CTNNA3: variants seen among roughly 807,000 people sequenced by gnomAD.
CTNNA3 encodes the protein catenin alpha-3.
CTNNA3 carries 76 observed loss-of-function variants against 95.7 expected under a neutral mutation model. The observed-to-expected ratio is 0.79, with a 90% confidence interval of 0.66 to 0.96. The LOEUF is 0.96. Among genes scored for constraint, CTNNA3 ranks in the 40% least tolerant of loss-of-function variants. The pLI is 0.00. For missense variants in CTNNA3, 1,191 were observed against 1,089.8 expected (o/e 1.09, Z -1.31); for synonymous variants, 431 against 374.4 (o/e 1.15, Z -1.74).
chr10:65,926,626 G>A lies in CTNNA3; in HGVS notation c.2401-6009C>T, dbSNP rs1268687425. ...CAAGTAGCTGGGATTACAGGCATGTGCCACCACACCTGGCTAATTTTGTAT... is the reference window on the plus strand; with the variant it reads ...CAAGTAGCTGGGATTACAGGCATGTACCACCACACCTGGCTAATTTTGTAT... On this transcript the variant is annotated intron_variant, in intron 17 of 17. Transcript: ENST00000433211. Among the ~76,000 whole-genome samples, 9 of 152,022 alleles carry A rather than the reference G, an allele frequency of 5.9e-5. No individual in the cohort carries two copies. In the East Asian group the frequency reaches 1.8e-3, roughly 30 times the overall value.
chr10:67,169,427 A>C (rs1427821970), intron 7 of CTNNA3, among the ~76,000 whole-genome samples: 2 of 151,760 alleles, frequency 1.3e-5, no homozygotes, highest in African/African-American at 4.8e-5. Context: ...GGTACAAAAA[A>C]AGACACGTAG....
At chr10:67,643,420 T>C (rs938722617) in intron 2 of CTNNA3, among the ~76,000 whole-genome samples, 1 of 151,932 alleles carries the variant, frequency 6.6e-6, no homozygotes, top group Non-Finnish European at 1.5e-5. Context: ...TGGCACGTGT[T>C]TACCTATGTA....
In CTNNA3 at chr10:66,359,622, ACCTCTGTTCTGTT is replaced by A. The variant is rs2092637699; in HGVS notation, c.1732+19517_1732+19529del. Among the ~76,000 whole-genome samples the A allele has an allele frequency of 2.6e-5, 4 of 152,132 alleles. No homozygotes were observed. The South Asian group carries it at 8.3e-4, about 32-fold the overall frequency. On this transcript the variant is annotated intron_variant, in intron 12 of 17. Coordinates refer to ENST00000433211, the MANE Select transcript of CTNNA3 (RefSeq NM_013266.4). ...AGCATCAATTAGGAGATACATGCAT[ACCTCTGTTCTGTT>A]TTGCATTAAAGGTTCACATCTGTCA...
At chr10:66,463,586 C>A (rs574898367) in intron 11 of CTNNA3, among the ~76,000 whole-genome samples, 1 of 152,044 alleles carries the variant, frequency 6.6e-6, no homozygotes, top group Non-Finnish European at 1.5e-5. Flanking sequence ...GAAAACTTTA[C>A]CAGTAAAACT....
intron 11 of CTNNA3, among the ~76,000 whole-genome samples, chr10:66,398,799 A>C (rs1173943709): frequency 6.6e-6 from 1 of 151,980 alleles, no homozygotes; most frequent in East Asian, 1.9e-4. Flanking sequence ...TACATAGCTT[A>C]TTCTCCTTTT....
At chr10:66,412,604 C>T (rs1028762907) in intron 11 of CTNNA3, among the ~76,000 whole-genome samples, 15 of 151,644 alleles carry the variant, frequency 9.9e-5, no homozygotes, top group African/African-American at 1.2e-4. Context: ...GGACTACAGG[C>T]GTCCACCACC....
At chr10:65,970,833 A>C (rs892877729) in intron 16 of CTNNA3, among the ~76,000 whole-genome samples, 16 of 151,272 alleles carry the variant, frequency 1.1e-4, no homozygotes, top group African/African-American at 3.9e-4. Context: ...TAACTATCCT[A>C]AATATGTATG....
chr10:66,663,372 A>G (rs1241678110), intron 9 of CTNNA3, among the ~76,000 whole-genome samples: 1 of 151,678 alleles, frequency 6.6e-6, no homozygotes, highest in African/African-American at 2.4e-5. Context: ...CTTTGGGACC[A>G]TCGTCCTCCA....
chr10:67,274,008 C>A (rs528021704), intron 5 of CTNNA3, among the ~76,000 whole-genome samples: 8 of 152,068 alleles, frequency 5.3e-5, no homozygotes, highest in African/African-American at 1.9e-4. Flanking sequence ...AGAATATGTA[C>A]GCTTAAGATT....
chr10:66,291,306 C>G (rs547554818), intron 12 of CTNNA3, among the ~76,000 whole-genome samples: 19 of 152,264 alleles, frequency 1.2e-4, no homozygotes, highest in Admixed American at 9.8e-4. Flanking sequence ...AGTTTTCAAA[C>G]TTTACCATGC....
chr10:66,259,862 C>A (rs890290788), intron 13 of CTNNA3, among the ~76,000 whole-genome samples: 2 of 152,146 alleles, frequency 1.3e-5, no homozygotes, highest in Admixed American at 6.6e-5. Flanking sequence ...GACTCCAAGT[C>A]TCTATATTGG....
intron 9 of CTNNA3, among the ~76,000 whole-genome samples, chr10:66,660,460 T>C (rs1255714571): frequency 6.6e-6 from 1 of 152,188 alleles, no homozygotes; most frequent in Non-Finnish European, 1.5e-5. Flanking sequence ...CATACTGCTG[T>C]AGTTCTTAGA....
chr10:67,569,061 T>C (rs1213518449), intron 3 of CTNNA3, among the ~76,000 whole-genome samples: 1 of 152,194 alleles, frequency 6.6e-6, no homozygotes, highest in Non-Finnish European at 1.5e-5. Flanking sequence ...GCATGCATTG[T>C]GTCCTGTAGC....
At chr10:67,343,235 G>A (rs1340972406) in intron 5 of CTNNA3, among the ~76,000 whole-genome samples, 1 of 152,186 alleles carries the variant, frequency 6.6e-6, no homozygotes, top group Non-Finnish European at 1.5e-5. Context: ...ACAGGTGTGA[G>A]GCACCGCGCC....
At position 66,360,808 on chromosome 10, in the gene CTNNA3, CCTTCCTTCCTTT is replaced by C. The variant is rs1167598131; in HGVS notation, c.1732+18332_1732+18343del. 1.8e-3 allele frequency among the ~76,000 whole-genome samples: 112 copies of C among 61,800 alleles called. 3 individuals carry two copies. Among genetic ancestry groups the C allele is most frequent in the East Asian group, 7.4e-3 (13 of 1,758 alleles). The allele number at this position is 61,800 out of a possible 152,430, so 40.5% of individuals were successfully genotyped here. A position where few individuals can be genotyped will look rare whatever the true frequency, so the allele number is the denominator to read the frequency against. On this transcript the variant is annotated intron_variant, in intron 12 of 17. Coordinates refer to ENST00000433211, the MANE Select transcript of CTNNA3 (RefSeq NM_013266.4). Reference sequence around the variant, plus strand: ...TTCTTCCTTCCTTCCTTCCTTCCTTCCTTCCTTCCTTTCTTTCTTTCTTTCTTTCTTTCTTTC... The same window carrying C: ...TTCTTCCTTCCTTCCTTCCTTCCTTCCTTTCTTTCTTTCTTTCTTTCTTTC...
intron 12 of CTNNA3, among the ~76,000 whole-genome samples, chr10:66,366,857 A>T (rs4465260): frequency 6.6e-6 from 1 of 151,992 alleles, no homozygotes; most frequent in African/African-American, 2.4e-5. Context: ...GTATGTGTGT[A>T]TCTTTGTGTG....
intron 1 of CTNNA3, among the ~76,000 whole-genome samples, chr10:67,723,370 C>T (rs995617434): frequency 5.3e-5 from 8 of 151,544 alleles, no homozygotes; most frequent in Non-Finnish European, 8.8e-5. Context: ...TGGCTCACTG[C>T]AGGCTGGACC....
intron 17 of CTNNA3, among the ~76,000 whole-genome samples, chr10:65,962,173 T>G (rs902738007): frequency 6.6e-6 from 1 of 152,162 alleles, no homozygotes; most frequent in African/African-American, 2.4e-5. Flanking sequence ...ATATTTTCAC[T>G]GGATGGTCCC....
At chr10:67,036,525 G>A (rs1162210396) in intron 7 of CTNNA3, among the ~76,000 whole-genome samples, 1 of 151,960 alleles carries the variant, frequency 6.6e-6, no homozygotes, top group African/African-American at 2.4e-5. Context: ...TTAGCCGGGC[G>A]TGGTGGCAGC....
Sources: allele counts gnomAD v4.1 joint callset (sites outside exome capture counted in the v4.1 genomes callset), GRCh38; gene constraint gnomAD v4.1.1; transcripts MANE v1.5; gene names NCBI Gene and HGNC (gene_info 2026-07-23, HGNC 2026-07-21).